The following CDH4 variants were observed in gnomAD, a reference collection of about 807,000 sequenced individuals.
CDH4 encodes cadherin 4.
A neutral mutation model predicts 86.0 loss-of-function variants in CDH4; 33 were observed. The observed-to-expected ratio is 0.38, with a 90% CI of 0.29 to 0.51. CDH4 has a LOEUF of 0.51. CDH4 is among the 20% of genes least tolerant of loss of function. CDH4 has a pLI of 0.86. For synonymous variants in CDH4, 555 were observed against 549.4 expected (o/e 1.01, Z -0.14); for missense variants, 1,114 against 1,307.4 (o/e 0.85, Z 2.28).
chr20:61,325,880 C>G (rs906880292), intron 2 of CDH4, among the ~76,000 whole-genome samples: 2 of 152,192 alleles, frequency 1.3e-5, no homozygotes, highest in Non-Finnish European at 2.9e-5. Flanking sequence ...CGGGTGCCGA[C>G]GCAAGTGGGT....
At chr20:61,722,886 G>C (rs866988739) in intron 2 of CDH4, among the ~76,000 whole-genome samples, 1 of 152,144 alleles carries the variant, frequency 6.6e-6, no homozygotes, top group Non-Finnish European at 1.5e-5. Flanking sequence ...GAGAGAAGAC[G>C]TTCCTGGGAC....
At chr20:61,363,922 G>A (rs973162594) in intron 2 of CDH4, among the ~76,000 whole-genome samples, 1 of 152,220 alleles carries the variant, frequency 6.6e-6, no homozygotes, top group Non-Finnish European at 1.5e-5. Flanking sequence ...TTTGGTGAGA[G>A]AGGTGTATTA....
intron 2 of CDH4, among the ~76,000 whole-genome samples, chr20:61,538,420 G>C (rs1419632554): frequency 6.6e-6 from 1 of 152,050 alleles, no homozygotes; most frequent in African/African-American, 2.4e-5. Context: ...ATACACAAAG[G>C]ACAGAACTAA....
chr20:61,669,759 A>G lies in CDH4; in HGVS notation c.170-73804A>G, dbSNP rs377655896. 6.6e-4 allele frequency among the ~76,000 whole-genome samples: 101 copies of G among 152,326 alleles called. 2 individuals carry two copies. In the South Asian group the frequency reaches 0.021, roughly 31 times the overall value. ...ATCTTCCCGTACCCTCCGCTACAAAAGACTTTAATGAAAATAACTTCTGAC... is the reference window on the plus strand; with the variant it reads ...ATCTTCCCGTACCCTCCGCTACAAAGGACTTTAATGAAAATAACTTCTGAC... On this transcript the variant is annotated intron_variant, in intron 2 of 15. Coordinates refer to ENST00000614565, the MANE Select transcript of CDH4 (RefSeq NM_001794.5).
intron 3 of CDH4, among the ~76,000 whole-genome samples, chr20:61,748,971 C>G (rs1049613149): frequency 4.1e-4 from 30 of 73,038 alleles, no homozygotes; most frequent in African/African-American, 2.2e-3. Context: ...ATAAATCCAA[C>G]TATATGCAGT....
chr20:61,719,763 C>G (rs547989764), intron 2 of CDH4: 8 of 152,302 alleles, frequency 5.3e-5, no homozygotes, highest in Admixed American at 5.2e-4. Context: ...CCCTGTCTCT[C>G]GTCACTTCCT....
At chr20:61,257,280 G>A (rs967741774) in intron 2 of CDH4, among the ~76,000 whole-genome samples, 59 of 152,178 alleles carry the variant, frequency 3.9e-4, no homozygotes, top group Admixed American at 2.7e-3. Context: ...CAGCAGGAGC[G>A]ATTTGTTACA....
In CDH4 at chr20:61,518,019, G is replaced by A. The variant is rs966182696; in HGVS notation, c.170-225544G>A. On this transcript the variant is annotated intron_variant, in intron 2 of 15. Transcript: ENST00000614565. This position sits in a 1 kb window ranked among gnomAD's most constrained non-coding sequence, Gnocchi z 6.3. ...GCCTGCCTCCCCGTGCGGGGAGGAT[G>A]CCTCAGCCCAGGTTACCTGATCCCT... Among the ~76,000 whole-genome samples the A allele has an allele frequency of 2.6e-5, 4 of 152,172 alleles. No individual in the cohort carries two copies. The highest frequency in any genetic ancestry group is 6.5e-5 in the Admixed American group (1 of 15,286).
At chr20:61,441,425 T>C (rs2085314659) in intron 2 of CDH4, among the ~76,000 whole-genome samples, 3 of 152,210 alleles carry the variant, frequency 2.0e-5, no homozygotes, top group Admixed American at 1.3e-4. Context: ...ACACTGGTTA[T>C]ACCCACTCCA....
intron 2 of CDH4, among the ~76,000 whole-genome samples, chr20:61,307,752 G>A (rs1478328502): frequency 6.6e-6 from 1 of 152,198 alleles, no homozygotes; most frequent in Non-Finnish European, 1.5e-5. Flanking sequence ...CTGCCTGTCT[G>A]CTGGTGTCCT....
intron 2 of CDH4, among the ~76,000 whole-genome samples, chr20:61,664,269 C>T (rs1014047319): frequency 6.6e-6 from 1 of 152,208 alleles, no homozygotes; most frequent in African/African-American, 2.4e-5. Context: ...CTGTCACCTG[C>T]CTCTTGACAT....
chr20:61,840,318 C>A (rs909120042), intron 4 of CDH4, among the ~76,000 whole-genome samples: 1 of 152,180 alleles, frequency 6.6e-6, no homozygotes, highest in African/African-American at 2.4e-5. Flanking sequence ...CGGCTTCCAC[C>A]CTTGAAAGCT....
intron 2 of CDH4, among the ~76,000 whole-genome samples, chr20:61,710,926 C>T (rs999021799): frequency 6.6e-6 from 1 of 152,172 alleles, no homozygotes; most frequent in Admixed American, 6.5e-5. Context: ...AACAAATCGC[C>T]ATGAGCTCAG....
intron 14 of CDH4, among the ~76,000 whole-genome samples, chr20:61,933,432 C>T (rs2055138720): frequency 6.6e-6 from 1 of 152,232 alleles, no homozygotes; most frequent in Non-Finnish European, 1.5e-5. Flanking sequence ...CACCGATGCC[C>T]ACTCGCGGAT....
chr20:61,277,461 G>T (rs898665429), intron 2 of CDH4, among the ~76,000 whole-genome samples: 3 of 152,150 alleles, frequency 2.0e-5, no homozygotes, highest in African/African-American at 7.2e-5. Flanking sequence ...CTACCTCAGT[G>T]CACTCACATG....
intron 6 of CDH4, among the ~76,000 whole-genome samples, chr20:61,856,425 T>C (rs1325855949): frequency 1.3e-4 from 11 of 81,506 alleles, no homozygotes; most frequent in Non-Finnish European, 2.5e-4. Flanking sequence ...CCCCCCACAC[T>C]CTTCCCCAAC....
chr20:61,435,592 T>A (rs1468536131), intron 2 of CDH4: 3 of 152,326 alleles, frequency 2.0e-5, no homozygotes, highest in African/African-American at 7.2e-5. Flanking sequence ...AGTAGGAGAA[T>A]CATCCGGAAT....
intron 2 of CDH4, chr20:61,738,949 T>G (rs2088299673): frequency 6.5e-6 from 1 of 152,684 alleles, no homozygotes; most frequent in African/African-American, 2.4e-5. Context: ...ACCCGCCGCG[T>G]GGAGGCTGCA....
At chr20:61,333,574 G>A (rs563581215) in intron 2 of CDH4, among the ~76,000 whole-genome samples, 18 of 152,306 alleles carry the variant, frequency 1.2e-4, no homozygotes, top group Admixed American at 7.8e-4. Flanking sequence ...GAGCTACCCT[G>A]TAGTTGGTGT....
Sources: gnomAD v4.1 joint callset for allele counts (sites outside exome capture counted in the v4.1 genomes callset) on GRCh38, gnomAD v4.1.1 for gene constraint, Gnocchi (gnomAD v3.1) non-coding constraint, MANE v1.5 for transcripts, NCBI Gene and HGNC (gene_info 2026-07-23, HGNC 2026-07-21) for gene names.